Variants in PIK3C2G observed in about 807,000 individuals in gnomAD.
The protein encoded by PIK3C2G is phosphatidylinositol-4-phosphate 3-kinase catalytic subunit type 2 gamma, also known as phosphatidylinositol 3-kinase C2 domain-containing subunit gamma.
In PIK3C2G, 168 loss-of-function variants were observed where a neutral mutation model predicts 181.1. The observed-to-expected ratio is 0.93, with a 90% CI of 0.82 to 1.05. PIK3C2G has a LOEUF of 1.05. Among genes scored for constraint, PIK3C2G ranks in the 50% least tolerant of loss-of-function variants. The pLI is 0.00. For synonymous variants in PIK3C2G, 573 were observed against 592.2 expected (o/e 0.97, Z 0.47); for missense variants, 1,869 against 1,732.8 (o/e 1.08, Z -1.40).
chr12:18,400,325 T>C (rs764194933), intron 16 of PIK3C2G, among the ~76,000 whole-genome samples: 1 of 152,228 alleles, frequency 6.6e-6, no homozygotes, highest in Non-Finnish European at 1.5e-5. Context: ...CAGAATCAAA[T>C]GCATGGAGCA....
the PIK3C2G span, among the ~76,000 whole-genome samples, chr12:18,686,331 G>GA: frequency 6.6e-6 from 1 of 151,934 alleles, no homozygotes; most frequent in African/African-American, 2.4e-5. Context: ...CCATTTTCTA[G>GA]AAAAAAGAAA....
At chr12:18,430,437 G>C (rs1316595213) in intron 18 of PIK3C2G, among the ~76,000 whole-genome samples, 2 of 152,138 alleles carry the variant, frequency 1.3e-5, no homozygotes, top group Admixed American at 1.3e-4. Flanking sequence ...CCTGAAGTGA[G>C]GCTCCCATTT....
At chr12:18,371,396 G>C in intron 13 of PIK3C2G, 85 bp downstream of exon 13, 1 of 1,111,826 alleles carries the variant, frequency 9.0e-7, no homozygotes, top group Non-Finnish European at 1.2e-6. Flanking sequence ...ATGGCATAAT[G>C]AGGAAATCAA....
the PIK3C2G span, among the ~76,000 whole-genome samples, chr12:18,722,991 T>C: frequency 1.3e-5 from 2 of 151,972 alleles, no homozygotes; most frequent in Non-Finnish European, 2.9e-5. Context: ...AGATACTTTC[T>C]TCTAATAGGG....
chr12:18,524,032 C>T (rs973024199), intron 24 of PIK3C2G, among the ~76,000 whole-genome samples: 1 of 152,166 alleles, frequency 6.6e-6, no homozygotes, highest in African/African-American at 2.4e-5. Flanking sequence ...AGAGCAACCC[C>T]CACAATCTGT....
chr12:18,248,978 G>A (rs1309183251), intron 1 of PIK3C2G, among the ~76,000 whole-genome samples: 1 of 152,014 alleles, frequency 6.6e-6, no homozygotes, highest in African/African-American at 2.4e-5. Flanking sequence ...GGACTCTAGC[G>A]CATATTCTCT....
intron 1 of PIK3C2G, among the ~76,000 whole-genome samples, chr12:18,255,641 A>G (rs769260695): frequency 1.2e-4 from 18 of 152,178 alleles, no homozygotes; most frequent in Admixed American, 7.2e-4. Context: ...ATAATCAGGC[A>G]TCGTTCCTCT....
chr12:18,711,529 TATAATAATAATA>T, the PIK3C2G span, among the ~76,000 whole-genome samples: 34 of 142,462 alleles, frequency 2.4e-4, 1 homozygote, highest in Non-Finnish European at 3.3e-4. Flanking sequence ...AAACTTAAAG[TATAATAATAATA>T]ATAATAATAA....
intron 18 of PIK3C2G, among the ~76,000 whole-genome samples, chr12:18,448,468 T>A (rs1304870212): frequency 2.0e-5 from 3 of 152,084 alleles, no homozygotes; most frequent in Non-Finnish European, 4.4e-5. Flanking sequence ...TTAACTATAG[T>A]CCTCATGTTG....
chr12:18,439,563 C>A (rs539394373), intron 18 of PIK3C2G, among the ~76,000 whole-genome samples: 32 of 151,206 alleles, frequency 2.1e-4, no homozygotes, highest in Admixed American at 9.9e-4. Context: ...TGCTTTCCCA[C>A]CAACTTTCTG....
intron 29 of PIK3C2G, among the ~76,000 whole-genome samples, chr12:18,594,292 A>G (rs1465998497): frequency 6.6e-6 from 1 of 152,076 alleles, no homozygotes; most frequent in African/African-American, 2.4e-5. Context: ...TCTGACCTTC[A>G]GTCACACAAA....
At chr12:18,650,689 T>TGC, downstream of PIK3C2G, among the ~76,000 whole-genome samples, 1 of 46,292 alleles carries the variant, frequency 2.2e-5, no homozygotes, top group Non-Finnish European at 3.5e-5. Context: ...TGTGTGTGTG[T>TGC]GTGTGTGTGT....
At chr12:18,599,381 A>G (rs1397574148) in intron 30 of PIK3C2G, among the ~76,000 whole-genome samples, 1 of 152,016 alleles carries the variant, frequency 6.6e-6, no homozygotes, top group Non-Finnish European at 1.5e-5. Context: ...CATCATTCTC[A>G]GTAAACTATC....
intron 24 of PIK3C2G, among the ~76,000 whole-genome samples, chr12:18,513,871 ATTTCC>A (rs748961414): frequency 6.6e-6 from 1 of 151,022 alleles, no homozygotes; most frequent in African/African-American, 2.4e-5. Flanking sequence ...GGTCTTTGTT[ATTTCC>A]TTTCATTTGC....
the PIK3C2G span, among the ~76,000 whole-genome samples, chr12:18,686,596 C>T: frequency 3.3e-5 from 5 of 151,790 alleles, no homozygotes; most frequent in Non-Finnish European, 5.9e-5. Flanking sequence ...TGTCCTTGTC[C>T]CCAATCTCTA....
At chr12:18,517,645 G>A (rs998601424) in intron 24 of PIK3C2G, among the ~76,000 whole-genome samples, 1 of 151,990 alleles carries the variant, frequency 6.6e-6, no homozygotes, top group African/African-American at 2.4e-5. Flanking sequence ...GAGATGATGG[G>A]GTTTTCTAAA....
chr12:18,272,571 C>A (rs1020107364), intron 1 of PIK3C2G, among the ~76,000 whole-genome samples: 1 of 152,088 alleles, frequency 6.6e-6, no homozygotes, highest in Non-Finnish European at 1.5e-5. Flanking sequence ...ACTTAGTTAT[C>A]CAGTGACAGC....
chr12:18,388,053 G>C (rs910769647), intron 14 of PIK3C2G, among the ~76,000 whole-genome samples: 1 of 151,988 alleles, frequency 6.6e-6, no homozygotes, highest in African/African-American at 2.4e-5. Flanking sequence ...AGAAGCACCA[G>C]TCTTATCATT....
intron 9 of PIK3C2G, among the ~76,000 whole-genome samples, chr12:18,339,543 C>T (rs1184539328): frequency 6.6e-6 from 1 of 152,112 alleles, no homozygotes; most frequent in Non-Finnish European, 1.5e-5. Context: ...CATTCTCTAT[C>T]TGCATGGTAA....
Sources: gnomAD v4.1 joint callset for allele counts (sites outside exome capture counted in the v4.1 genomes callset) on GRCh38, gnomAD v4.1.1 for gene constraint, MANE v1.5 for transcripts, NCBI Gene and HGNC (gene_info 2026-07-23, HGNC 2026-07-21) for gene names.